Variants in DERL1 observed in about 807,000 individuals in gnomAD.
The protein encoded by DERL1 is derlin 1.
Under a neutral mutation model 41.6 loss-of-function variants are expected in DERL1, and 24 were observed. That is an observed-to-expected ratio of 0.58 (90% CI 0.42 to 0.81). The LOEUF (loss-of-function observed/expected upper bound fraction) is 0.81. Ranked by LOEUF, DERL1 falls within the 30% of genes least tolerant of loss-of-function variation. The pLI is 0.00. For missense variants in DERL1, 260 were observed against 314.3 expected (o/e 0.83, Z 1.31); for synonymous variants, 124 against 112.5 (o/e 1.10, Z -0.65).
At chr8:123,032,300 A>G (rs895320988) in intron 1 of DERL1, among the ~76,000 whole-genome samples, 4 of 151,838 alleles carry the variant, frequency 2.6e-5, no homozygotes, top group Non-Finnish European at 5.9e-5. Flanking sequence ...ACACCTGGCT[A>G]ATTTTTATAT....
At chr8:123,024,037 T>C (rs2385078) in intron 3 of DERL1, among the ~76,000 whole-genome samples, 25,455 of 152,190 alleles carry the variant, frequency 0.17, 2,185 homozygotes, top group Admixed American at 0.18. Flanking sequence ...ATAGTTCAGA[T>C]TGCTTAAAAC....
At chr8:123,039,014 C>T (rs1812989799) in intron 1 of DERL1, among the ~76,000 whole-genome samples, 1 of 152,204 alleles carries the variant, frequency 6.6e-6, no homozygotes, top group African/African-American at 2.4e-5. Flanking sequence ...CAGTCAAGGG[C>T]TCCGCCATCC....
intron 2 of DERL1, among the ~76,000 whole-genome samples, chr8:123,028,755 C>T (rs200461704): frequency 5.3e-5 from 8 of 152,006 alleles, no homozygotes; most frequent in Non-Finnish European, 8.8e-5. Context: ...ATTGATATAA[C>T]GTTTACTATC....
At chr8:123,021,373 G>T (rs971570477) in intron 6 of DERL1, 74 bp downstream of exon 6, 25 of 1,364,250 alleles carry the variant, frequency 1.8e-5, no homozygotes, top group Non-Finnish European at 2.3e-5. Context: ...TTGTATAAAG[G>T]TTAGAGAAAG....
intron 1 of DERL1, among the ~76,000 whole-genome samples, chr8:123,041,190 A>C (rs559648331): frequency 3.9e-5 from 6 of 152,240 alleles, no homozygotes; most frequent in Non-Finnish European, 7.3e-5. Flanking sequence ...GAAAGACAAG[A>C]AAATGTTATC....
At chr8:123,038,475 C>A (rs1358151403) in intron 1 of DERL1, among the ~76,000 whole-genome samples, 2 of 152,196 alleles carry the variant, frequency 1.3e-5, no homozygotes, top group Non-Finnish European at 2.9e-5. Context: ...CTGCCTCCTG[C>A]TGGCAGCTGA....
In DERL1 at chr8:123,042,069, C is replaced by G; in HGVS notation, c.54G>C (p.Trp18Cys). 6 of 1,613,902 alleles carry G rather than the reference C, an allele frequency of 3.7e-6. No individual in the cohort carries two copies. The highest frequency in any genetic ancestry group is 5.1e-6 in the Non-Finnish European group (6 of 1,179,924). Reference sequence around the variant, plus strand: ...AGGGCACGGCGACGGTGGCGGCGAACCAATAGCGCGTGATCGCCGGGATGC... The same window carrying G: ...AGGGCACGGCGACGGTGGCGGCGAAGCAATAGCGCGTGATCGCCGGGATGC... Reference protein sequence around the residue: ...FRSIPAITRYWFAATVAVPLV... With the variant: ...FRSIPAITRYCFAATVAVPLV... The change falls in exon 1 of 8, where the codon TGG becomes TGC. Residue 18 changes from tryptophan (W) to cysteine (C), a missense_variant. By Grantham distance (215) the Trp-to-Cys change is radical (BLOSUM62 -2). Transcript: ENST00000259512.
chr8:123,016,451 T>C (rs2130450793), intron 7 of DERL1: 1 of 152,336 alleles, frequency 6.6e-6, no homozygotes, highest in East Asian at 1.9e-4. Context: ...GACAGGTGAC[T>C]TGTCCACAGC....
rs1586461195 is a variant in DERL1 at position 123,022,901 on chromosome 8, C to T, written c.358-122G>A. ...CTCACCTGGGTAAAGGGAAACTCAA[C>T]TGATCAGAATTATAAATTGATCCTA... is the stretch of plus-strand genomic sequence containing the variant. On this transcript the variant is annotated intron_variant, in intron 4 of 7. Transcript: ENST00000259512. 2.0e-5 allele frequency: 13 copies of T among 658,484 alleles called. No homozygotes were observed. In the South Asian group the frequency reaches 2.1e-4, roughly 11 times the overall value. 40.8% of individuals were successfully genotyped at this position (658,484 alleles called of 1,614,324 possible).
At chr8:123,032,634 T>G (rs767883991) in intron 1 of DERL1, among the ~76,000 whole-genome samples, 12 of 152,226 alleles carry the variant, frequency 7.9e-5, no homozygotes, top group Non-Finnish European at 1.6e-4. Flanking sequence ...ATTTTAGCAC[T>G]TTCAAGGTGC....
chr8:123,029,868 T>C (rs1223295069), intron 2 of DERL1, among the ~76,000 whole-genome samples: 1 of 152,118 alleles, frequency 6.6e-6, no homozygotes, highest in Non-Finnish European at 1.5e-5. Flanking sequence ...GAGACCAGCC[T>C]GGCCAACAGG....
At chr8:123,021,577 T>G in intron 5 of DERL1, 78 bp from the exon 6 acceptor site, 1 of 1,311,400 alleles carries the variant, frequency 7.6e-7, no homozygotes, top group South Asian at 1.2e-5. Flanking sequence ...CTAAAGTGGG[T>G]AAGGATACAC....
intron 1 of DERL1, among the ~76,000 whole-genome samples, chr8:123,037,169 C>T (rs758270090): frequency 2.6e-5 from 4 of 152,056 alleles, no homozygotes; most frequent in Admixed American, 6.6e-5. Flanking sequence ...CCATACCAAC[C>T]ACGTAGGAGG....
chr8:123,031,587 G>A (rs1248638798), intron 1 of DERL1, among the ~76,000 whole-genome samples: 2 of 152,064 alleles, frequency 1.3e-5, no homozygotes, highest in African/African-American at 4.8e-5. Flanking sequence ...AAATAATAAA[G>A]TAACAAGTAA....
At chr8:123,030,092 A>G (rs1010942921) in intron 2 of DERL1, 2 of 152,202 alleles carry the variant, frequency 1.3e-5, no homozygotes, top group African/African-American at 4.8e-5. Flanking sequence ...AAAATATTAC[A>G]TTGGTACTCA....
At chr8:123,021,297 T>C (rs993162917) in intron 6 of DERL1, 150 bp downstream of exon 6, 7 of 717,984 alleles carry the variant, frequency 9.7e-6, no homozygotes, top group Non-Finnish European at 1.6e-5. Flanking sequence ...TCTAATCAAT[T>C]CAATCGAAGT....
intron 1 of DERL1, among the ~76,000 whole-genome samples, chr8:123,039,018 G>A (rs1029432060): frequency 2.6e-5 from 4 of 152,052 alleles, no homozygotes; most frequent in Non-Finnish European, 4.4e-5. Flanking sequence ...CAAGGGCTCC[G>A]CCATCCACTC....
Position 123,042,245 on chromosome 8 carries a change from G to A in DERL1, c.-123C>T. ...TGGAAGCCGCCGAAGCCGCGATGCA[G>A]AAGGCGGAGACGGGCGGACGTGGCG... On this transcript the variant is annotated 5_prime_UTR_variant, in exon 1 of 8. Transcript: ENST00000259512. 1 of 1,296,050 alleles carries A rather than the reference G, an allele frequency of 7.7e-7. No homozygotes were observed. The highest frequency in any genetic ancestry group is 1.0e-6 in the Non-Finnish European group (1 of 988,772). The allele number at this position is 1,296,050 out of a possible 1,614,324, so 80.3% of individuals were successfully genotyped here. A position where few individuals can be genotyped will look rare whatever the true frequency, so the allele number is the denominator to read the frequency against.
At chr8:123,039,325 A>G (rs1812995972) in intron 1 of DERL1, among the ~76,000 whole-genome samples, 1 of 152,230 alleles carries the variant, frequency 6.6e-6, no homozygotes, top group Admixed American at 6.5e-5. Flanking sequence ...AAGACTTCAT[A>G]GTGCCCTCAA....
Sources: allele counts gnomAD v4.1 joint callset (sites outside exome capture counted in the v4.1 genomes callset), GRCh38; gene constraint gnomAD v4.1.1; transcripts MANE v1.5; gene names NCBI Gene and HGNC (gene_info 2026-07-23, HGNC 2026-07-21).